FBRSL1: variants seen among roughly 807,000 people sequenced by gnomAD.
FBRSL1 encodes the protein fibrosin like 1, also known as fibrosin-1-like protein.
In FBRSL1, 51 loss-of-function variants were observed where a neutral mutation model predicts 89.6. The ratio of observed to expected loss-of-function variants is 0.57; its 90% CI spans 0.45 to 0.72. The LOEUF is 0.72. Among genes scored for constraint, FBRSL1 ranks in the 30% least tolerant of loss-of-function variants. FBRSL1 has a pLI of 0.00. For synonymous variants in FBRSL1, 779 were observed against 681.1 expected, an observed-to-expected ratio of 1.14 and a Z score of -2.24; for missense variants, 1,618 against 1,451.8, an observed-to-expected ratio of 1.11 and a Z score of -1.86.
chr12:132,530,482 G>C (rs141385942), intron 4 of FBRSL1, among the ~76,000 whole-genome samples: 18 of 151,958 alleles, frequency 1.2e-4, no homozygotes, highest in African/African-American at 4.3e-4. Flanking sequence ...TTGCTGGTGA[G>C]GTGTGCACGT....
At chr12:132,573,282 G>A (rs1005430315) in intron 11 of FBRSL1, among the ~76,000 whole-genome samples, 1 of 152,192 alleles carries the variant, frequency 6.6e-6, no homozygotes, top group African/African-American at 2.4e-5. Context: ...CCAGGATCCT[G>A]CAGCGCCCAC....
intron 1 of FBRSL1, among the ~76,000 whole-genome samples, chr12:132,491,484 G>T (rs2030952127): frequency 6.6e-6 from 1 of 152,252 alleles, no homozygotes; most frequent in Non-Finnish European, 1.5e-5. Context: ...GAGAGTTGGG[G>T]CAGGCGCTGT....
At chr12:132,510,232 C>T (rs2034178523) in intron 2 of FBRSL1, 1 of 1,232,036 alleles carries the variant, frequency 8.1e-7, no homozygotes, top group Non-Finnish European at 1.0e-6. Flanking sequence ...CCCGATCGCC[C>T]TTCACTCCTG....
chr12:132,574,590 G>A, intron 14 of FBRSL1, 26 bp downstream of exon 14: 1 of 1,544,548 alleles, frequency 6.5e-7, no homozygotes, highest in Non-Finnish European at 8.7e-7. Flanking sequence ...CTGGGGCAGG[G>A]CGCTTGTGAA....
chr12:132,516,571 C>T (rs1470718901), intron 2 of FBRSL1, among the ~76,000 whole-genome samples: 1 of 152,232 alleles, frequency 6.6e-6, no homozygotes, highest in African/African-American at 2.4e-5. Context: ...CCAGCCTGCT[C>T]AGCACCCTGT....
At chr12:132,555,715 C>T (rs946432458) in intron 5 of FBRSL1, among the ~76,000 whole-genome samples, 1 of 152,226 alleles carries the variant, frequency 6.6e-6, no homozygotes, top group Non-Finnish European at 1.5e-5. Flanking sequence ...CTATCTCTGC[C>T]CCTGTCCGTC....
chr12:132,524,345 G>A (rs779994060), intron 2 of FBRSL1, among the ~76,000 whole-genome samples: 26 of 152,264 alleles, frequency 1.7e-4, no homozygotes, highest in Non-Finnish European at 3.7e-4. Flanking sequence ...GCTACTGTGC[G>A]GCTTGATGGA....
At chr12:132,549,162 C>G (rs1028708319) in intron 5 of FBRSL1, among the ~76,000 whole-genome samples, 5 of 152,184 alleles carry the variant, frequency 3.3e-5, no homozygotes, top group African/African-American at 7.2e-5. Context: ...GAGGCCGCAC[C>G]GTCGCCGCGG....
rs1037606239 is a variant in FBRSL1, at chr12:132,576,884, G to C, written c.1787G>C (p.Gly596Ala). 2 of 1,550,218 alleles carry C rather than the reference G, an allele frequency of 1.3e-6. No individual in the cohort carries two copies. The highest frequency in any genetic ancestry group is 2.4e-5 in the South Asian group (2 of 83,872). ...GRPPAPGVFA[G>A]FHYPQDLARP... ...CCCCCTGCCCCGGGCGTGTTTGCAG[G>C]CTTCCACTACCCACAGGACCTGGCC... Residue 596 changes from glycine (G) to alanine (A), a missense_variant, in exon 15 of 19, where the codon GGC becomes GCC. Transcript: ENST00000680143.
chr12:132,510,312 C>A, intron 2 of FBRSL1: 1 of 1,230,634 alleles, frequency 8.1e-7, no homozygotes. Context: ...CCTATTGGAT[C>A]TGGTGCCGGC....
chr12:132,577,722 G>A (rs1385510263), intron 15 of FBRSL1, among the ~76,000 whole-genome samples: 2 of 152,166 alleles, frequency 1.3e-5, no homozygotes, highest in East Asian at 3.9e-4. Flanking sequence ...AGACTCTGGG[G>A]TGCTGATCTG....
rs1436810642 is a variant in FBRSL1, at chr12:132,574,549, C to G, written c.1686C>G (p.His562Gln). 1 of 1,549,920 alleles carries G rather than the reference C, an allele frequency of 6.5e-7. No homozygotes were observed. The highest frequency in any genetic ancestry group is 1.4e-5 in the African/African-American group (1 of 73,044). The change falls in exon 14 of 19, where the codon CAC (histidine) becomes CAG (glutamine). Residue 562 changes from histidine to glutamine, a missense_variant. Transcript: ENST00000680143. ...HVQIAWQIYR[H>Q]QQKIKEMQLD... ...AGATCGCCTGGCAGATCTACCGTCA[C>G]CAGCAGAAGATAAAGGTGAGACCAC...
rs1003594886 is a variant in FBRSL1 at position 132,509,104 on chromosome 12, G to C, written c.489+754G>C. ...CAGCATGCCTCCTGGGCCCGGGCTGGACGGGGGTTCCGCGGGCGGTGACAC... is the reference window on the plus strand; with the variant it reads ...CAGCATGCCTCCTGGGCCCGGGCTGCACGGGGGTTCCGCGGGCGGTGACAC... On this transcript the variant is annotated intron_variant, in intron 2 of 18. Coordinates refer to ENST00000680143, the MANE Select transcript of FBRSL1 (RefSeq NM_001367871.1). 30 of 1,232,034 alleles carry C rather than the reference G, an allele frequency of 2.4e-5. No homozygotes were observed. The Admixed American group carries it at 1.2e-3, about 50-fold the overall frequency. 76.3% of individuals were successfully genotyped at this position (1,232,034 alleles called of 1,614,324 possible). A position where few individuals can be genotyped will look rare whatever the true frequency, so the allele number is the denominator to read the frequency against.
At chr12:132,536,690 C>T (rs375375691) in intron 4 of FBRSL1, among the ~76,000 whole-genome samples, 4 of 147,840 alleles carry the variant, frequency 2.7e-5, no homozygotes, top group Admixed American at 2.0e-4. Flanking sequence ...TGTGAGTGCA[C>T]GTGTACATGA....
intron 1 of FBRSL1, among the ~76,000 whole-genome samples, chr12:132,492,917 C>T (rs1285343192): frequency 3.3e-5 from 5 of 152,222 alleles, no homozygotes; most frequent in Non-Finnish European, 7.3e-5. Context: ...GGTGGTTTTT[C>T]CCCAAAGTTC....
intron 1 of FBRSL1, chr12:132,507,119 G>A (rs918493816): frequency 2.6e-5 from 22 of 845,020 alleles, no homozygotes; most frequent in Admixed American, 6.2e-5. Flanking sequence ...GGCTCTATGC[G>A]GGGGCGGGTC....
chr12:132,533,987 G>A (rs987659168), intron 4 of FBRSL1, among the ~76,000 whole-genome samples: 1 of 152,206 alleles, frequency 6.6e-6, no homozygotes, highest in African/African-American at 2.4e-5. Context: ...GGAGAGAACA[G>A]GGAGGGGTGC....
chr12:132,521,777 C>T (rs911176715), intron 2 of FBRSL1, among the ~76,000 whole-genome samples: 6 of 152,338 alleles, frequency 3.9e-5, no homozygotes, highest in Admixed American at 3.3e-4. Context: ...GTAGTGCGTG[C>T]ATTTGCCCTG....
chr12:132,552,339 C>T (rs573463414), intron 5 of FBRSL1: 1 of 156,606 alleles, frequency 6.4e-6, no homozygotes, highest in East Asian at 1.9e-4. Flanking sequence ...TCAGGCACTA[C>T]CAGCACGACA....
Sources: allele counts gnomAD v4.1 joint callset (sites outside exome capture counted in the v4.1 genomes callset), GRCh38; gene constraint gnomAD v4.1.1; transcripts MANE v1.5; gene names NCBI Gene and HGNC (gene_info 2026-07-23, HGNC 2026-07-21).